NFXL1: variants seen among roughly 807,000 people sequenced by gnomAD.
NFXL1 encodes nuclear transcription factor, X-box binding like 1.
NFXL1 carries 66 observed loss-of-function variants against 123.3 expected under a neutral mutation model. That is an observed-to-expected ratio of 0.54 (90% CI 0.44 to 0.66). The LOEUF (loss-of-function observed/expected upper bound fraction) is 0.66, where lower values mean the gene tolerates loss of function less well. Among genes scored for constraint, NFXL1 ranks in the 30% least tolerant of loss-of-function variants. The pLI is 0.00. For synonymous variants in NFXL1, 346 were observed against 360.8 expected, an observed-to-expected ratio of 0.96 and a Z score of 0.46; for missense variants, 944 against 1,125.6, an observed-to-expected ratio of 0.84 and a Z score of 2.31.
chr4:47,879,132 TA>T lies in NFXL1; in HGVS notation c.1917-16del. On this transcript the variant is annotated splice_polypyrimidine_tract_variant and intron_variant, in intron 15 of 22. Transcript: ENST00000507489. ...CAAGACATTCCCTACAAGGAAAAAA[TA>T]AAATAAAATGAAAACATTACAAATT... 8.2e-7 allele frequency: 1 copy of T among 1,223,980 alleles called. No homozygotes were observed. 75.8% of individuals were successfully genotyped at this position (1,223,980 alleles called of 1,614,324 possible). A position where few individuals can be genotyped will look rare whatever the true frequency, so the allele number is the denominator to read the frequency against.
At chr4:47,877,055 C>T in intron 17 of NFXL1, 2 of 1,235,470 alleles carry the variant, frequency 1.6e-6, no homozygotes, top group East Asian at 5.6e-5. Flanking sequence ...GGTACACCTA[C>T]AAAAATCTTC....
intron 18 of NFXL1, 81 bp downstream of exon 18, chr4:47,875,046 A>G (rs1735663423): frequency 6.8e-6 from 6 of 886,238 alleles, no homozygotes; most frequent in South Asian, 4.1e-5. Context: ...AGCAAAGTAC[A>G]CTATAAAGGG....
intron 3 of NFXL1, among the ~76,000 whole-genome samples, chr4:47,910,521 C>T (rs997877551): frequency 2.6e-5 from 4 of 152,034 alleles, no homozygotes; most frequent in Non-Finnish European, 5.9e-5. Context: ...AAAACTTGCC[C>T]CAGTCCACCG....
At chr4:47,912,345 C>T (rs60535228) in intron 2 of NFXL1, among the ~76,000 whole-genome samples, 2 of 151,964 alleles carry the variant, frequency 1.3e-5, no homozygotes, top group Non-Finnish European at 2.9e-5. Context: ...ATGTATTCAC[C>T]TAACATCATC....
In NFXL1 at chr4:47,848,150, A is replaced by T. The variant is rs1295850123; in HGVS notation, c.*13T>A. ...AATCCAATCTGAGTTACATTAAAAGATCAAAACTTTTTTTAATTGACATCA... is the reference window on the plus strand; with the variant it reads ...AATCCAATCTGAGTTACATTAAAAGTTCAAAACTTTTTTTAATTGACATCA... On this transcript the variant is annotated 3_prime_UTR_variant, in exon 23 of 23. Transcript: ENST00000507489. 1.3e-6 allele frequency: 2 copies of T among 1,535,516 alleles called. No homozygotes were observed. Among genetic ancestry groups the T allele is most frequent in the Non-Finnish European group, 1.8e-6 (2 of 1,133,858 alleles).
In NFXL1 at chr4:47,898,110, A is replaced by G. The variant is rs373338556; in HGVS notation, c.1090-29T>C. 2.2e-6 allele frequency: 3 copies of G among 1,367,704 alleles called. No homozygotes were observed. The East Asian group carries it at 6.9e-5, about 31-fold the overall frequency. The allele number at this position is 1,367,704 out of a possible 1,614,324, so 84.7% of individuals were successfully genotyped here. On this transcript the variant is annotated intron_variant, in intron 8 of 22. Transcript: ENST00000507489. ...AAATAAAATGCAATAAACACTAATG[A>G]AGGATTTAAAAGTTAACAAAAAAAG...
intron 11 of NFXL1, among the ~76,000 whole-genome samples, chr4:47,893,078 T>C (rs1005461376): frequency 6.6e-6 from 1 of 151,864 alleles, no homozygotes; most frequent in African/African-American, 2.4e-5. Context: ...ACTTCTCAGA[T>C]GAAAAACACA....
intron 12 of NFXL1, among the ~76,000 whole-genome samples, chr4:47,888,286 A>G (rs1736567440): frequency 1.3e-5 from 2 of 152,290 alleles, no homozygotes; most frequent in African/African-American, 4.8e-5. Context: ...GAACAAAACA[A>G]AACTATAAAT....
intron 17 of NFXL1, among the ~76,000 whole-genome samples, chr4:47,875,766 C>A (rs1735709231): frequency 6.6e-6 from 1 of 151,982 alleles, no homozygotes; most frequent in Non-Finnish European, 1.5e-5. Context: ...TCTCATCTTG[C>A]CAAAGAGAAA....
At chr4:47,871,623 CAG>C (rs1284258417) in intron 18 of NFXL1, among the ~76,000 whole-genome samples, 28 of 152,238 alleles carry the variant, frequency 1.8e-4, no homozygotes, top group African/African-American at 6.3e-4. Flanking sequence ...TATAAATAAA[CAG>C]AATGCAGGTG....
Position 47,899,507 on chromosome 4 carries a change from C to G in NFXL1, c.689G>C (p.Ser230Thr), listed in dbSNP as rs1185828741. Residue 230 changes from serine to threonine, a missense_variant, in exon 6 of 23, where the codon AGT (serine) becomes ACT (threonine). Ser to Thr is a moderately conservative substitution (Grantham distance 58). Transcript: ENST00000507489. ...TTTTCCACAATAGCAATAGTACCTA[C>G]TAGGTGTTTCAGATCGTTTGTATTC... ...RFEYKRSETPSRYYCYCGKVE... is the reference protein window; with the variant it reads ...RFEYKRSETPTRYYCYCGKVE... 1 of 1,612,834 alleles carries G rather than the reference C, an allele frequency of 6.2e-7. No homozygotes were observed. Among genetic ancestry groups the G allele is most frequent in the African/African-American group, 1.3e-5 (1 of 74,888 alleles).
chr4:47,883,594 C>A (rs1361878372), intron 15 of NFXL1, among the ~76,000 whole-genome samples: 1 of 152,134 alleles, frequency 6.6e-6, no homozygotes, highest in Non-Finnish European at 1.5e-5. Flanking sequence ...ACTTTGCCTC[C>A]CAACTTGACT....
At chr4:47,908,953 G>A (rs6833422) in intron 3 of NFXL1, among the ~76,000 whole-genome samples, 43,182 of 113,160 alleles carry the variant, frequency 0.38, 8,509 homozygotes, top group Middle Eastern at 0.49. Flanking sequence ...AGACTCCGTC[G>A]CAAAAAAAAA....
chr4:47,898,772 T>C lies in NFXL1; in HGVS notation c.1074A>G (p.Leu358=), dbSNP rs748910970. The C allele has an allele frequency of 1.3e-6, 2 of 1,584,056 alleles. No homozygotes were observed. Among genetic ancestry groups the C allele is most frequent in the Non-Finnish European group, 8.7e-7 (1 of 1,152,892 alleles). The change falls in exon 8 of 23, where the codon CTA becomes CTG. Residue 358 remains leucine (L), a synonymous_variant. Coordinates refer to ENST00000507489, the MANE Select transcript of NFXL1 (RefSeq NM_001278624.2). ...ATAAACTTACTTGATCACAGTGCCATAGTGGACTTGCACAACTTCTTTCAG... is the reference window on the plus strand; with the variant it reads ...ATAAACTTACTTGATCACAGTGCCACAGTGGACTTGCACAACTTCTTTCAG... ...KVAERSCASP[L]WHCDQVCGKT... is the part of the protein sequence containing the mutation.
chr4:47,848,358 T>C (rs1377775453), intron 22 of NFXL1, 22 bp from the exon 23 acceptor site: 1 of 1,562,582 alleles, frequency 6.4e-7, no homozygotes, highest in Non-Finnish European at 8.7e-7. Context: ...CAGCATCATT[T>C]TAATTAAATT....
intron 15 of NFXL1, among the ~76,000 whole-genome samples, chr4:47,879,680 A>T (rs1735968589): frequency 6.6e-6 from 1 of 152,218 alleles, no homozygotes; most frequent in Non-Finnish European, 1.5e-5. Flanking sequence ...ATTACTATAA[A>T]GCTACAGTGA....
intron 16 of NFXL1, 122 bp from the exon 17 acceptor site, chr4:47,878,787 C>A (rs1448744150): frequency 3.1e-6 from 2 of 643,852 alleles, no homozygotes; most frequent in Non-Finnish European, 4.9e-6. Flanking sequence ...TAAGTTTGCA[C>A]GAATAATAAT....
chr4:47,878,787 C>T (rs1448744150), intron 16 of NFXL1, 122 bp from the exon 17 acceptor site: 9 of 643,850 alleles, frequency 1.4e-5, no homozygotes, highest in South Asian at 4.0e-5. Flanking sequence ...TAAGTTTGCA[C>T]GAATAATAAT....
chr4:47,868,412 A>G (rs1467587355), intron 18 of NFXL1, among the ~76,000 whole-genome samples: 1 of 149,062 alleles, frequency 6.7e-6, no homozygotes, highest in East Asian at 2.0e-4. Context: ...AGAATAAAAC[A>G]TGCAACTAAA....
Sources: allele counts gnomAD v4.1 joint callset (sites outside exome capture counted in the v4.1 genomes callset), GRCh38; gene constraint gnomAD v4.1.1; transcripts MANE v1.5; gene names NCBI Gene and HGNC (gene_info 2026-07-23, HGNC 2026-07-21).